The following RAD51B variants were observed in gnomAD, a reference collection of about 807,000 sequenced individuals.
RAD51B encodes the protein RAD51 paralog B.
A neutral mutation model predicts 42.2 loss-of-function variants in RAD51B; 38 were observed. That is an observed-to-expected ratio of 0.90 (90% CI 0.70 to 1.18). RAD51B has a LOEUF of 1.18. Ranked by LOEUF, RAD51B falls within the 50% of genes most tolerant of loss-of-function variation. RAD51B has a pLI of 0.00. For synonymous variants in RAD51B, 154 were observed against 145.2 expected (o/e 1.06, Z -0.43); for missense variants, 373 against 400.7 (o/e 0.93, Z 0.59).
intron 5 of RAD51B, among the ~76,000 whole-genome samples, chr14:67,879,569 A>G (rs2042841228): frequency 6.6e-6 from 1 of 152,112 alleles, no homozygotes; most frequent in East Asian, 1.9e-4. Context: ...CAGCCTCCTG[A>G]GTAGCTGGGA....
chr14:68,347,410 G>A (rs1469036579), intron 8 of RAD51B, among the ~76,000 whole-genome samples: 3 of 152,192 alleles, frequency 2.0e-5, no homozygotes, highest in South Asian at 2.1e-4. Context: ...GGCTGGGTAC[G>A]ATAGCTCATG....
At chr14:68,081,123 T>C (rs1348669056) in intron 7 of RAD51B, among the ~76,000 whole-genome samples, 1 of 152,222 alleles carries the variant, frequency 6.6e-6, no homozygotes, top group East Asian at 1.9e-4. Flanking sequence ...TATAAGCATC[T>C]ATCACTTTGA....
chr14:67,862,880 C>T (rs975571466), intron 4 of RAD51B, among the ~76,000 whole-genome samples: 3 of 151,570 alleles, frequency 2.0e-5, no homozygotes, highest in Non-Finnish European at 4.4e-5. Flanking sequence ...TTAATTCATA[C>T]TTTGTGTGTG....
intron 7 of RAD51B, among the ~76,000 whole-genome samples, chr14:67,904,147 G>A (rs972492349): frequency 6.6e-6 from 1 of 151,794 alleles, no homozygotes; most frequent in Non-Finnish European, 1.5e-5. Context: ...TCTTTATCTC[G>A]TTCACCGTTA....
intron 7 of RAD51B, among the ~76,000 whole-genome samples, chr14:67,979,981 C>T (rs557828390): frequency 6.6e-6 from 1 of 152,170 alleles, no homozygotes; most frequent in Non-Finnish European, 1.5e-5. Context: ...ATAAATTCTA[C>T]TGAAGTCTGT....
chr14:67,841,950 G>T (rs1167472415), intron 4 of RAD51B, among the ~76,000 whole-genome samples: 1 of 152,040 alleles, frequency 6.6e-6, no homozygotes, highest in Non-Finnish European at 1.5e-5. Flanking sequence ...AATGACATTG[G>T]TAATTTGAAT....
At chr14:68,151,306 A>G (rs1218371338) in intron 7 of RAD51B, among the ~76,000 whole-genome samples, 4 of 151,764 alleles carry the variant, frequency 2.6e-5, no homozygotes, top group Non-Finnish European at 5.9e-5. Context: ...GCATATATAT[A>G]TAATTTTTTT....
At chr14:68,165,346 C>T (rs1050934365) in intron 7 of RAD51B, among the ~76,000 whole-genome samples, 3 of 152,080 alleles carry the variant, frequency 2.0e-5, no homozygotes, top group Admixed American at 1.3e-4. Flanking sequence ...TAGTTCATCT[C>T]AGAAGAAAAA....
intron 8 of RAD51B, chr14:68,338,641 T>C (rs1404542310): frequency 3.1e-6 from 1 of 318,420 alleles, no homozygotes; most frequent in Non-Finnish European, 6.1e-6. Flanking sequence ...AGTGTATCTT[T>C]ATGCTTGCCA....
Position 67,864,999 on chromosome 14 carries a change from T to TTTTTA in RAD51B, c.316-3_316-2insTTTAT. 7 of 1,256,472 alleles carry TTTTTA rather than the reference T, an allele frequency of 5.6e-6. No homozygotes were observed. Among genetic ancestry groups the TTTTTA allele is most frequent in the Non-Finnish European group, 7.1e-6 (7 of 987,676 alleles). The allele number at this position is 1,256,472 out of a possible 1,614,324, so 77.8% of individuals were successfully genotyped here. A position where few individuals can be genotyped will look rare whatever the true frequency, so the allele number is the denominator to read the frequency against. On this transcript the variant is annotated splice_region_variant and splice_polypyrimidine_tract_variant and intron_variant, in intron 4 of 10. Transcript: ENST00000471583. ...TTTTTTTTTTTTTTTTTTTTTTTTT[T>TTTTTA]TAGATTACAGGTCCACCAGGTTGTG... is the stretch of plus-strand genomic sequence containing the variant.
chr14:67,998,552 A>G (rs187901661), intron 7 of RAD51B, among the ~76,000 whole-genome samples: 22 of 152,340 alleles, frequency 1.4e-4, no homozygotes, highest in Admixed American at 1.2e-3. Context: ...CAAAGTTGAT[A>G]TACTAGAGCA....
chr14:68,470,399 T>C, intron 10 of RAD51B: 1 of 437,710 alleles, frequency 2.3e-6, no homozygotes, highest in East Asian at 5.7e-5. Context: ...CCAAAGACTT[T>C]GGGAAAACAA....
intron 7 of RAD51B, chr14:67,908,865 T>C (rs1322429077): frequency 6.6e-6 from 1 of 152,160 alleles, no homozygotes; most frequent in Non-Finnish European, 1.5e-5. Context: ...TGAGTACCCC[T>C]GGGGGTCCCT....
intron 7 of RAD51B, among the ~76,000 whole-genome samples, chr14:68,098,781 A>G (rs1048312871): frequency 1.3e-5 from 2 of 152,220 alleles, no homozygotes; most frequent in Non-Finnish European, 2.9e-5. Flanking sequence ...GTTAGGAAGA[A>G]AATAAAGAGG....
chr14:68,438,703 A>G (rs1256696005), intron 9 of RAD51B, among the ~76,000 whole-genome samples: 1 of 152,092 alleles, frequency 6.6e-6, no homozygotes, highest in Non-Finnish European at 1.5e-5. Flanking sequence ...TATAGAGACA[A>G]TGGTTATCAG....
intron 7 of RAD51B, among the ~76,000 whole-genome samples, chr14:68,078,865 C>T (rs2076873291): frequency 6.6e-6 from 1 of 152,102 alleles, no homozygotes; most frequent in Non-Finnish European, 1.5e-5. Context: ...TAGCTTGTGC[C>T]TGTAGTCCCA....
chr14:68,292,085 C>A, intron 8 of RAD51B, 105 bp downstream of exon 8: 3 of 1,003,420 alleles, frequency 3.0e-6, no homozygotes, highest in South Asian at 1.4e-5. Flanking sequence ...TAGGCCCTGG[C>A]CAGTGAACCC....
intron 7 of RAD51B, among the ~76,000 whole-genome samples, chr14:68,047,549 G>A (rs928901990): frequency 2.5e-4 from 38 of 152,200 alleles, no homozygotes; most frequent in African/African-American, 9.1e-4. Flanking sequence ...TCTTTTCTGT[G>A]TAATTTAACA....
rs372407786 is a variant in RAD51B at position 67,858,559 on chromosome 14, C to T, written c.316-6444C>T. Among the ~76,000 whole-genome samples, 30 of 152,246 alleles carry T rather than the reference C, an allele frequency of 2.0e-4. No homozygotes were observed. In the South Asian group the frequency reaches 5.2e-3, roughly 26 times the overall value. On this transcript the variant is annotated intron_variant, in intron 4 of 10. Coordinates refer to ENST00000471583, the MANE Select transcript of RAD51B (RefSeq NM_133510.4). ...TGCAAAAAATTTTAAAGCAAAGACA[C>T]CACTCAAAGGTGGGCGAGACAGTGT...
Sources: allele counts gnomAD v4.1 joint callset (sites outside exome capture counted in the v4.1 genomes callset), GRCh38; gene constraint gnomAD v4.1.1; transcripts MANE v1.5; gene names NCBI Gene and HGNC (gene_info 2026-07-23, HGNC 2026-07-21).